The following PAN3 variants were observed in gnomAD, a reference collection of about 807,000 sequenced individuals.
PAN3 encodes the protein poly(A) specific ribonuclease subunit PAN3.
Under a neutral mutation model 96.2 loss-of-function variants are expected in PAN3, and 19 were observed. The observed-to-expected ratio is 0.20, with a 90% confidence interval of 0.14 to 0.29. The LOEUF is 0.29. Among genes scored for constraint, PAN3 ranks in the 10% least tolerant of loss-of-function variants. PAN3 has a pLI of 1.00. For missense variants in PAN3, 882 were observed against 1,108.1 expected (o/e 0.80, Z 2.90); for synonymous variants, 433 against 406.6 (o/e 1.06, Z -0.78).
At chr13:28,265,612 G>C (rs1886095572) in intron 9 of PAN3, among the ~76,000 whole-genome samples, 2 of 152,182 alleles carry the variant, frequency 1.3e-5, no homozygotes, top group South Asian at 4.1e-4. Context: ...GGCAAATGCA[G>C]AGGAAGGATC....
chr13:28,283,742 A>T (rs971116054), intron 17 of PAN3, among the ~76,000 whole-genome samples: 1 of 152,186 alleles, frequency 6.6e-6, no homozygotes, highest in African/African-American at 2.4e-5. Flanking sequence ...TGTTATTCCT[A>T]TTTAACAGAG....
intron 12 of PAN3, among the ~76,000 whole-genome samples, chr13:28,267,776 G>A (rs1886307838): frequency 6.6e-6 from 1 of 152,116 alleles, no homozygotes; most frequent in African/African-American, 2.4e-5. Context: ...ACAGTATGGG[G>A]GAAATTACCC....
At chr13:28,281,192 G>A (rs1398279533) in intron 16 of PAN3, 123 bp from the exon 17 acceptor site, 3 of 698,092 alleles carry the variant, frequency 4.3e-6, no homozygotes, top group Admixed American at 2.6e-5. Context: ...CCAAAAGGTG[G>A]GGATGTTAGG....
rs753763680 is a variant in PAN3 at position 28,138,761 on chromosome 13, G to T, written c.104G>T (p.Gly35Val). The change falls in exon 1 of 19, where the codon GGT (glycine) becomes GTT (valine). Residue 35 changes from glycine to valine, a missense_variant. Transcript: ENST00000380958. The stretch of plus-strand genomic sequence containing the variant: ...GTGGTGGCCCCGCCGGGGGTCGGGG[G>T]TGTCCCCGGCGGGGCGGCGGTAGGA... Reference protein sequence around the residue: ...VAVVAPPGVGGVPGGAAVGVK... With the variant: ...VAVVAPPGVGVVPGGAAVGVK... 4.4e-5 allele frequency: 59 copies of T among 1,348,796 alleles called. No homozygotes were observed. In the Middle Eastern group the frequency reaches 5.7e-4, roughly 13 times the overall value. The allele number at this position is 1,348,796 out of a possible 1,614,324, so 83.6% of individuals were successfully genotyped here. A position where few individuals can be genotyped will look rare whatever the true frequency, so the allele number is the denominator to read the frequency against.
chr13:28,223,286 C>T (rs1881596084), intron 6 of PAN3, among the ~76,000 whole-genome samples: 1 of 152,090 alleles, frequency 6.6e-6, no homozygotes, highest in Non-Finnish European at 1.5e-5. Context: ...AAATTGTATA[C>T]ACACTCATTT....
intron 6 of PAN3, among the ~76,000 whole-genome samples, chr13:28,252,641 GC>G (rs1884830419): frequency 6.6e-6 from 1 of 151,914 alleles, no homozygotes; most frequent in Non-Finnish European, 1.5e-5. Flanking sequence ...TTTTTCAAAT[GC>G]CCTAAAGCAG....
chr13:28,176,378 G>T, intron 2 of PAN3, 115 bp from the exon 3 acceptor site: 3 of 892,942 alleles, frequency 3.4e-6, no homozygotes, highest in South Asian at 1.5e-5. Flanking sequence ...TAGATTGTCA[G>T]TAATGTGAAC....
rs540563771 is a variant in PAN3 at position 28,250,727 on chromosome 13, C to T, written c.1001-5565C>T. The stretch of plus-strand genomic sequence containing the variant: ...CCATGTTGCCCAGACTGGCCTCTAA[C>T]GCCTGGCCTCAAGCAGTCCGCCTGC... On this transcript the variant is annotated intron_variant, in intron 6 of 18. Transcript: ENST00000380958. Among the ~76,000 whole-genome samples, 38 of 152,250 alleles carry T rather than the reference C, an allele frequency of 2.5e-4. 2 individuals are homozygous for T. In the South Asian group the frequency reaches 7.1e-3, roughly 28 times the overall value.
At chr13:28,154,287 A>G (rs192270903) in intron 1 of PAN3, among the ~76,000 whole-genome samples, 1 of 152,186 alleles carries the variant, frequency 6.6e-6, no homozygotes, top group Non-Finnish European at 1.5e-5. Flanking sequence ...TCAGGTCAAA[A>G]TAGTGTACTG....
chr13:28,184,932 A>G (rs906660936), intron 4 of PAN3, among the ~76,000 whole-genome samples: 1 of 152,070 alleles, frequency 6.6e-6, no homozygotes, highest in Non-Finnish European at 1.5e-5. Flanking sequence ...TGAATTTCAC[A>G]AGTAATTTAT....
chr13:28,153,113 G>GTGT (rs954007473), intron 1 of PAN3, among the ~76,000 whole-genome samples: 1 of 151,984 alleles, frequency 6.6e-6, no homozygotes, highest in Non-Finnish European at 1.5e-5. Context: ...GTTAGTAAGG[G>GTGT]TGTTATCCAT....
At chr13:28,180,032 C>G (rs1474806626) in intron 4 of PAN3, among the ~76,000 whole-genome samples, 1 of 151,902 alleles carries the variant, frequency 6.6e-6, no homozygotes, top group Non-Finnish European at 1.5e-5. Flanking sequence ...TAGAATATAT[C>G]CAATGGAAGC....
intron 16 of PAN3, 21 bp downstream of exon 16, chr13:28,280,562 T>C: frequency 6.5e-7 from 1 of 1,538,284 alleles, no homozygotes; most frequent in South Asian, 1.2e-5. Flanking sequence ...TAAATTTTTT[T>C]TTTTTTTTTT....
At chr13:28,284,397 T>G (rs1868707270) in intron 17 of PAN3, among the ~76,000 whole-genome samples, 1 of 150,242 alleles carries the variant, frequency 6.7e-6, no homozygotes, top group African/African-American at 2.5e-5. Context: ...TTTTTTTTTT[T>G]GACTGCTCAT....
At position 28,248,369 on chromosome 13, in the gene PAN3, G is replaced by T. The variant is rs9508009; in HGVS notation, c.1001-7923G>T. Among the ~76,000 whole-genome samples the T allele has an allele frequency of 8.6e-3, 1,310 of 152,136 alleles. 15 individuals are homozygous for T. Among genetic ancestry groups the T allele is most frequent in the Non-Finnish European group, 0.013 (866 of 68,000 alleles). ...TAATATCACGTTGCCTACAAACAAG[G>T]ATGATTAGATTTAGATTTTTCCTTT... On this transcript the variant is annotated intron_variant, in intron 6 of 18. Transcript: ENST00000380958.
chr13:28,260,496 A>T lies in PAN3; in HGVS notation c.1298A>T (p.Tyr433Phe). 4 of 1,613,764 alleles carry T rather than the reference A, an allele frequency of 2.5e-6. No individual in the cohort carries two copies. Among genetic ancestry groups the T allele is most frequent in the Non-Finnish European group, 3.4e-6 (4 of 1,179,734 alleles). ...IYPPTAPHVA[Y>F]MQPKANAPSF... The stretch of plus-strand genomic sequence containing the variant: ...CCTCCAACTGCACCTCACGTTGCTT[A>T]TATGCAACCGAAAGCAAACGCACCT... The change falls in exon 8 of 19, where the codon TAT becomes TTT. Residue 433 changes from tyrosine to phenylalanine, a missense_variant. Tyr to Phe is a conservative substitution (Grantham distance 22, BLOSUM62 3). This residue lies in a region of PAN3 where 364 missense variants were observed against 513.6 expected (regional missense o/e 0.71). Transcript: ENST00000380958.
At chr13:28,220,410 A>G in intron 6 of PAN3, 32 bp downstream of exon 6, 1 of 1,605,016 alleles carries the variant, frequency 6.2e-7, no homozygotes, top group Non-Finnish European at 8.5e-7. Flanking sequence ...AGTGAGTTCC[A>G]GATACCATGT....
chr13:28,208,195 A>G (rs902998142), intron 5 of PAN3, among the ~76,000 whole-genome samples: 1 of 152,238 alleles, frequency 6.6e-6, no homozygotes, highest in Admixed American at 6.5e-5. Flanking sequence ...TCTAAGTATT[A>G]TAAATTACTG....
At chr13:28,284,268 G>T (rs1868678934) in intron 17 of PAN3, among the ~76,000 whole-genome samples, 1 of 151,936 alleles carries the variant, frequency 6.6e-6, no homozygotes, top group Non-Finnish European at 1.5e-5. Flanking sequence ...TTATGCTATT[G>T]ATCCATTCTT....
Sources: allele counts gnomAD v4.1 joint callset (sites outside exome capture counted in the v4.1 genomes callset), GRCh38; gene constraint gnomAD v4.1.1; regional missense constraint gnomAD v4.1.1; transcripts MANE v1.5; gene names NCBI Gene and HGNC (gene_info 2026-07-23, HGNC 2026-07-21).